The following GBP7 variants were observed in gnomAD, a reference collection of about 807,000 sequenced individuals.
GBP7 encodes guanylate-binding protein 7.
In GBP7, 43 loss-of-function variants were observed where a neutral mutation model predicts 61.3. The observed-to-expected ratio is 0.70, with a 90% confidence interval of 0.55 to 0.91. The LOEUF (loss-of-function observed/expected upper bound fraction) is 0.91, where lower values mean the gene tolerates loss of function less well. Among genes scored for constraint, GBP7 ranks in the 40% least tolerant of loss-of-function variants. The pLI is 0.00. For synonymous variants in GBP7, 267 were observed against 271.0 expected, an observed-to-expected ratio of 0.99 and a Z score of 0.14; for missense variants, 717 against 740.5, an observed-to-expected ratio of 0.97 and a Z score of 0.37.
intron 10 of GBP7, 59 bp from the exon 11 acceptor site, chr1:89,132,462 G>GAA: frequency 7.8e-7 from 1 of 1,285,870 alleles, no homozygotes; most frequent in Non-Finnish European, 1.1e-6. Context: ...ACCGAGGTTT[G>GAA]TATTTAACAA....
At chr1:89,158,549 A>C (rs574273996) in intron 3 of GBP7, among the ~76,000 whole-genome samples, 64 of 152,340 alleles carry the variant, frequency 4.2e-4, no homozygotes, top group African/African-American at 1.4e-3. Context: ...AATCACAAGC[A>C]TTCTTATACA....
intron 8 of GBP7, among the ~76,000 whole-genome samples, chr1:89,144,747 G>A (rs1570345639): frequency 6.6e-6 from 1 of 152,046 alleles, no homozygotes; most frequent in East Asian, 1.9e-4. Flanking sequence ...TGTGTGGTGG[G>A]AACACAAGGG....
At chr1:89,160,632 G>C (rs1029426522) in intron 3 of GBP7, among the ~76,000 whole-genome samples, 1 of 152,032 alleles carries the variant, frequency 6.6e-6, no homozygotes, top group Non-Finnish European at 1.5e-5. Context: ...ATAGTTCCTG[G>C]CACATAGTTA....
In GBP7 at chr1:89,137,223, A is replaced by G. The variant is rs372277512; in HGVS notation, c.1469-3772T>C. 3.7e-4 allele frequency among the ~76,000 whole-genome samples: 57 copies of G among 152,118 alleles called. 6 individuals carry two copies. Among genetic ancestry groups the G allele is most frequent in the Admixed American group, 9.2e-4 (14 of 15,278 alleles). On this transcript the variant is annotated intron_variant, in intron 9 of 10. Transcript: ENST00000294671. The stretch of plus-strand genomic sequence containing the variant: ...AGAGTCATAGTCAGTTCTGCCATAC[A>G]TAGAAAGAAGAGCTGGTACCAATTC...
chr1:89,142,272 T>G (rs1040737598), intron 8 of GBP7, among the ~76,000 whole-genome samples: 1 of 152,216 alleles, frequency 6.6e-6, no homozygotes, highest in Non-Finnish European at 1.5e-5. Context: ...CTTTTTTTTC[T>G]CTTTTGAGAC....
Position 89,133,123 on chromosome 1 carries a change from T to C in GBP7, c.1662+135A>G, listed in dbSNP as rs113003762. ...CTTACAGGCTTCAGTAGAATTCATA[T>C]GTATTTGAAATTTAAGTGAAATATA... On this transcript the variant is annotated intron_variant, in intron 10 of 10. Transcript: ENST00000294671. 6.3e-3 allele frequency: 4,321 copies of C among 682,522 alleles called. 127 individuals carry two copies. The African/African-American group carries it at 0.068, about 11-fold the overall frequency. The allele number at this position is 682,522 out of a possible 1,614,324, so 42.3% of individuals were successfully genotyped here.
At chr1:89,154,050 A>C (rs954320466) in intron 3 of GBP7, among the ~76,000 whole-genome samples, 1 of 152,234 alleles carries the variant, frequency 6.6e-6, no homozygotes, top group Non-Finnish European at 1.5e-5. Flanking sequence ...ATTCAGGGCA[A>C]GACATGAAGG....
chr1:89,161,869 C>G (rs901789423), intron 3 of GBP7, among the ~76,000 whole-genome samples: 1 of 151,988 alleles, frequency 6.6e-6, no homozygotes, highest in Non-Finnish European at 1.5e-5. Context: ...AATGATATGG[C>G]CAGGGTGGTT....
chr1:89,132,345 T>A lies in GBP7; in HGVS notation c.1721A>T (p.Glu574Val). ...FKEIFESLNE[E>V]INRLKEQIEA... The stretch of plus-strand genomic sequence containing the variant: ...AATTTGTTCTTTCAGTCGATTAATC[T>A]CTTCATTTAACGACTCAAATATCTC... The change falls in exon 11 of 11, where the codon GAG becomes GTG. Residue 574 changes from glutamate to valine, a missense_variant. Physicochemically the swap from Glu to Val is moderately radical, Grantham distance 121 (BLOSUM62 -2). Around this residue, in one of 3 missense-constraint regions of GBP7, gnomAD observed 312 missense variants for 310.1 expected, o/e 1.01. Transcript: ENST00000294671. 6.2e-7 allele frequency: 1 copy of A among 1,611,718 alleles called. No individual in the cohort carries two copies. The highest frequency in any genetic ancestry group is 8.5e-7 in the Non-Finnish European group (1 of 1,177,978).
At chr1:89,148,976 AAT>A (rs1453377596) in intron 7 of GBP7, among the ~76,000 whole-genome samples, 1 of 152,208 alleles carries the variant, frequency 6.6e-6, no homozygotes, top group African/African-American at 2.4e-5. Context: ...TATTAACTCA[AAT>A]ATTTGTCATT....
chr1:89,160,660 T>C (rs1647231207), intron 3 of GBP7, among the ~76,000 whole-genome samples: 1 of 152,192 alleles, frequency 6.6e-6, no homozygotes, highest in South Asian at 2.1e-4. Flanking sequence ...ATGTGTTTAG[T>C]AAATAACTAA....
intron 5 of GBP7, 92 bp from the exon 6 acceptor site, chr1:89,150,667 C>A: frequency 7.8e-7 from 1 of 1,283,224 alleles, no homozygotes; most frequent in Non-Finnish European, 1.1e-6. Context: ...TCAATCACTA[C>A]AGTCTCTTGT....
intron 2 of GBP7, 135 bp downstream of exon 2, chr1:89,171,611 G>T: frequency 1.5e-6 from 1 of 668,708 alleles, no homozygotes; most frequent in Non-Finnish European, 2.4e-6. Context: ...AATTTGAAGG[G>T]TTCACTGATG....
intron 6 of GBP7, 119 bp from the exon 7 acceptor site, chr1:89,149,691 C>A: frequency 1.3e-6 from 1 of 778,958 alleles, no homozygotes; most frequent in East Asian, 2.7e-5. Context: ...ATTTTCCCTC[C>A]TTCTCCTTCT....
At position 89,152,789 on chromosome 1, in the gene GBP7, GAAA is replaced by G. The variant is rs10710842; in HGVS notation, c.319-15_319-13del. ...CTCTTAGGGTCACTCTAGTGTTAAAGAAAAAAAAAAAAAAAATGGAAGCCACAG... is the reference window on the plus strand; with the variant it reads ...CTCTTAGGGTCACTCTAGTGTTAAAGAAAAAAAAAAAAATGGAAGCCACAG... On this transcript the variant is annotated splice_polypyrimidine_tract_variant and intron_variant, in intron 3 of 10. Transcript: ENST00000294671. 1.5e-3 allele frequency: 1,827 copies of G among 1,242,076 alleles called. No individual in the cohort carries two copies. Among genetic ancestry groups the G allele is most frequent in the African/African-American group, 4.0e-3 (251 of 62,570 alleles). 76.9% of individuals were successfully genotyped at this position (1,242,076 alleles called of 1,614,324 possible).
intron 2 of GBP7, among the ~76,000 whole-genome samples, chr1:89,165,161 G>A (rs1647391180): frequency 6.6e-6 from 1 of 152,112 alleles, no homozygotes; most frequent in South Asian, 2.1e-4. Context: ...TCATACGTTG[G>A]AACTTCAGTG....
At chr1:89,166,204 G>C (rs1647432480) in intron 2 of GBP7, among the ~76,000 whole-genome samples, 1 of 152,174 alleles carries the variant, frequency 6.6e-6, no homozygotes, top group Non-Finnish European at 1.5e-5. Flanking sequence ...ATTAGAGAGA[G>C]GGCTGATACA....
chr1:89,162,614 A>G (rs976143709), intron 3 of GBP7, among the ~76,000 whole-genome samples: 4 of 152,166 alleles, frequency 2.6e-5, no homozygotes, highest in Admixed American at 1.3e-4. Flanking sequence ...TCGATTTTGT[A>G]TCCTGAGACT....
Position 89,141,550 on chromosome 1 carries a change from T to C in GBP7, c.1464A>G (p.Ile488Met), listed in dbSNP as rs538746715. The part of the protein sequence containing the change: ...DKALTAGEKA[I>M]AAKQAKKEAA... ...AGCTGAGCCCTGCCCCTGTACCTGC[T>C]ATGGCCTTCTCTCCAGCAGTGAGGG... The change falls in exon 9 of 11, where the codon ATA becomes ATG. Residue 488 changes from isoleucine (I) to methionine (M), a missense_variant. Ile to Met is a conservative substitution (Grantham distance 10). Around this residue, in one of 3 missense-constraint regions of GBP7, gnomAD observed 312 missense variants for 310.1 expected, o/e 1.01. Coordinates refer to ENST00000294671, the MANE Select transcript of GBP7 (RefSeq NM_207398.3). 1 of 1,613,628 alleles carries C rather than the reference T, an allele frequency of 6.2e-7. No homozygotes were observed. Among genetic ancestry groups the C allele is most frequent in the East Asian group, 2.2e-5 (1 of 44,878 alleles).
Sources: gnomAD v4.1 joint callset for allele counts (sites outside exome capture counted in the v4.1 genomes callset) on GRCh38, gnomAD v4.1.1 for gene constraint, gnomAD v4.1.1 regional missense constraint, MANE v1.5 for transcripts, NCBI Gene and HGNC (gene_info 2026-07-23, HGNC 2026-07-21) for gene names.